The following USP6NL variants were observed in gnomAD, a reference collection of about 807,000 sequenced individuals.
USP6NL encodes the protein USP6 N-terminal-like protein.
In USP6NL, 26 loss-of-function variants were observed where a neutral mutation model predicts 61.9. That is an observed-to-expected ratio of 0.42 (90% confidence interval 0.31 to 0.58). USP6NL has a LOEUF of 0.58. Among genes scored for constraint, USP6NL ranks in the 20% least tolerant of loss-of-function variants. The probability of loss-of-function intolerance (pLI) is 0.16; values close to 1 mark genes in which losing one functional copy is unlikely to be tolerated. For missense variants in USP6NL, 1,114 were observed against 1,034.3 expected (o/e 1.08, Z -1.06); for synonymous variants, 432 against 390.1 (o/e 1.11, Z -1.27).
At chr10:11,471,965 TAAAA>T (rs543232536) in intron 14 of USP6NL, among the ~76,000 whole-genome samples, 1 of 137,874 alleles carries the variant, frequency 7.3e-6, no homozygotes, top group African/African-American at 2.7e-5. Context: ...CCCTAAAACT[TAAAA>T]AAAAAAAAAA....
intron 1 of USP6NL, among the ~76,000 whole-genome samples, chr10:11,601,700 G>C (rs1838537355): frequency 6.6e-6 from 1 of 152,130 alleles, no homozygotes. Flanking sequence ...GAGTTGTAGT[G>C]GTTCATTTGT....
In USP6NL at chr10:11,553,043, C is replaced by T. The variant is rs1342697480; in HGVS notation, c.5-25476G>A. 6.6e-6 allele frequency among the ~76,000 whole-genome samples: 1 copy of T among 152,156 alleles called. No homozygotes were observed. The highest frequency in any genetic ancestry group is 1.5e-5 in the Non-Finnish European group (1 of 68,032). ...ATGACTATGTGTACCCATTGTTTCG[C>T]TCCTACTTATAAGTGAGAACACTGG... On this transcript the variant is annotated intron_variant, in intron 2 of 14. Coordinates refer to ENST00000609104, the MANE Select transcript of USP6NL (RefSeq NM_014688.5). The surrounding 1 kb of genome is among the most constrained non-coding windows in gnomAD (Gnocchi z 4.8).
intron 6 of USP6NL, among the ~76,000 whole-genome samples, chr10:11,502,606 G>A (rs965162143): frequency 1.3e-5 from 2 of 152,146 alleles, no homozygotes; most frequent in African/African-American, 4.8e-5. Flanking sequence ...ATATTGAAGA[G>A]CTACAATAAG....
At chr10:11,483,118 C>G (rs1833274373) in intron 13 of USP6NL, among the ~76,000 whole-genome samples, 1 of 152,216 alleles carries the variant, frequency 6.6e-6, no homozygotes, top group Admixed American at 6.5e-5. Context: ...GAACCAGCAT[C>G]TCCTCCCATC....
At chr10:11,503,545 A>G (rs1437339798) in intron 6 of USP6NL, among the ~76,000 whole-genome samples, 11 of 152,210 alleles carry the variant, frequency 7.2e-5, no homozygotes, top group Non-Finnish European at 1.6e-4. Flanking sequence ...ACATATGGGA[A>G]AGCTTAAGAA....
chr10:11,467,965 T>C (rs1832546096), intron 14 of USP6NL, among the ~76,000 whole-genome samples: 1 of 152,218 alleles, frequency 6.6e-6, no homozygotes, highest in African/African-American at 2.4e-5. Flanking sequence ...TCCAAAAAAG[T>C]ATTTTAAGAC....
chr10:11,529,149 T>C (rs1835543008), intron 2 of USP6NL, among the ~76,000 whole-genome samples: 1 of 150,928 alleles, frequency 6.6e-6, no homozygotes, highest in African/African-American at 2.4e-5. Context: ...CTGATAAAAA[T>C]AAAATCTAAA....
In USP6NL at chr10:11,532,336, C is replaced by G. The variant is rs1357165539; in HGVS notation, c.5-4769G>C. 2.2e-6 allele frequency: 2 copies of G among 918,518 alleles called. No individual in the cohort carries two copies. The highest frequency in any genetic ancestry group is 2.8e-5 in the East Asian group (1 of 36,288). The allele number at this position is 918,518 out of a possible 1,614,324, so 56.9% of individuals were successfully genotyped here. ...TCACACATTCTGCAACTAACTAAAA[C>G]AAAGAAAGGCAGAGGCAGCTCTACT... On this transcript the variant is annotated intron_variant, in intron 2 of 14. Transcript: ENST00000609104. The surrounding 1 kb of genome is among the most constrained non-coding windows in gnomAD (Gnocchi z 4.1).
rs1472879004 is a variant in USP6NL, at chr10:11,553,231, T to C, written c.5-25664A>G. On this transcript the variant is annotated intron_variant, in intron 2 of 14. Transcript: ENST00000609104. This position sits in a 1 kb window ranked among gnomAD's most constrained non-coding sequence, Gnocchi z 4.8. ...GAATTGTTGAATGCAAAGAAAAAGCTGTTTCAAGACAGTGTACGATAATCC... is the reference window on the plus strand; with the variant it reads ...GAATTGTTGAATGCAAAGAAAAAGCCGTTTCAAGACAGTGTACGATAATCC... Among the ~76,000 whole-genome samples, 2 of 152,234 alleles carry C rather than the reference T, an allele frequency of 1.3e-5. No individual in the cohort carries two copies. The highest frequency in any genetic ancestry group is 4.8e-5 in the African/African-American group (2 of 41,456).
At position 11,586,139 on chromosome 10, in the gene USP6NL, T is replaced by G. The variant is rs11257184; in HGVS notation, c.4+11492A>C. 4.6e-3 allele frequency among the ~76,000 whole-genome samples: 708 copies of G among 152,330 alleles called. 9 individuals are homozygous for G. The highest frequency in any genetic ancestry group is 0.016 in the African/African-American group (684 of 41,576). The stretch of plus-strand genomic sequence containing the variant: ...TCTAGAAATCAAATAATACAACAGA[T>G]AGCAACTATATGATGTCATTTTGAG... On this transcript the variant is annotated intron_variant, in intron 2 of 14. Transcript: ENST00000609104.
intron 2 of USP6NL, among the ~76,000 whole-genome samples, chr10:11,571,353 T>C (rs1264748999): frequency 4.6e-5 from 7 of 152,124 alleles, no homozygotes; most frequent in African/African-American, 7.2e-5. Context: ...CCCAAAGTGC[T>C]GGGATTACAG....
chr10:11,532,360 C>T lies in USP6NL; in HGVS notation c.5-4793G>A. 2 of 665,374 alleles carry T rather than the reference C, an allele frequency of 3.0e-6. No individual in the cohort carries two copies. Among genetic ancestry groups the T allele is most frequent in the Non-Finnish European group, 4.8e-6 (2 of 418,856 alleles). The allele number at this position is 665,374 out of a possible 1,614,324, so 41.2% of individuals were successfully genotyped here. On this transcript the variant is annotated intron_variant, in intron 2 of 14. Coordinates refer to ENST00000609104, the MANE Select transcript of USP6NL (RefSeq NM_014688.5). The surrounding 1 kb of genome is among the most constrained non-coding windows in gnomAD (Gnocchi z 4.1). ...ACAAAGAAAGGCAGAGGCAGCTCTA[C>T]TTTAAACTATCTGTGAAACAAGCAC...
At chr10:11,506,906 G>GA (rs1555165615) in intron 6 of USP6NL, among the ~76,000 whole-genome samples, 3 of 152,098 alleles carry the variant, frequency 2.0e-5, no homozygotes, top group Non-Finnish European at 2.9e-5. Flanking sequence ...AAAAATGCTA[G>GA]TTTTTTTACT....
chr10:11,556,747 GT>G (rs1836722104), intron 2 of USP6NL, among the ~76,000 whole-genome samples: 1 of 152,136 alleles, frequency 6.6e-6, no homozygotes, highest in South Asian at 2.1e-4. Context: ...TAGTAACACA[GT>G]TTCAAAACAC....
intron 4 of USP6NL, among the ~76,000 whole-genome samples, chr10:11,523,053 A>G (rs1202546261): frequency 6.6e-6 from 1 of 152,224 alleles, no homozygotes; most frequent in Non-Finnish European, 1.5e-5. Flanking sequence ...TTCCATGTAA[A>G]GAGCACAGAA....
chr10:11,545,603 C>T (rs895395505), intron 2 of USP6NL, among the ~76,000 whole-genome samples: 2 of 152,200 alleles, frequency 1.3e-5, no homozygotes, highest in African/African-American at 4.8e-5. Flanking sequence ...ATACTTTATG[C>T]TTTTCAGAAC....
intron 2 of USP6NL, among the ~76,000 whole-genome samples, chr10:11,577,435 A>C (rs949769700): frequency 6.6e-6 from 1 of 151,872 alleles, no homozygotes; most frequent in African/African-American, 2.4e-5. Context: ...GAGTCTCTTA[A>C]TTGCCTTTTC....
rs149356108 is a variant in USP6NL, at chr10:11,555,182, G to A, written c.5-27615C>T. 8.8e-3 allele frequency among the ~76,000 whole-genome samples: 1,272 copies of A among 144,738 alleles called. 15 individuals carry two copies. Among genetic ancestry groups the A allele is most frequent in the African/African-American group, 0.03 (1,187 of 39,326 alleles). 95.0% of individuals were successfully genotyped at this position (144,738 alleles called of 152,430 possible). A position where few individuals can be genotyped will look rare whatever the true frequency, so the allele number is the denominator to read the frequency against. On this transcript the variant is annotated intron_variant, in intron 2 of 14. Transcript: ENST00000609104. The stretch of plus-strand genomic sequence containing the variant: ...TCTAATCCCAGCACTTTGGGAGGCC[G>A]AGGCAGGTGGATCACCTGAGGTCAG...
At chr10:11,524,621 T>C (rs1835347026) in intron 4 of USP6NL, among the ~76,000 whole-genome samples, 1 of 152,192 alleles carries the variant, frequency 6.6e-6, no homozygotes, top group South Asian at 2.1e-4. Flanking sequence ...AAAAAACGAA[T>C]GTTTTTCCTT....
Sources: allele counts gnomAD v4.1 joint callset (sites outside exome capture counted in the v4.1 genomes callset), GRCh38; gene constraint gnomAD v4.1.1; non-coding constraint Gnocchi (gnomAD v3.1); transcripts MANE v1.5; gene names NCBI Gene and HGNC (gene_info 2026-07-23, HGNC 2026-07-21).